GALNT13: variants seen among roughly 807,000 people sequenced by gnomAD.
The protein encoded by GALNT13 is UDP-GalNAc:polypeptide N-acetylgalactosaminyltransferase 13.
A neutral mutation model predicts 64.2 loss-of-function variants in GALNT13; 28 were observed. That is an observed-to-expected ratio of 0.44 (90% CI 0.32 to 0.60). GALNT13 has a LOEUF of 0.60. GALNT13 is among the 20% of genes least tolerant of loss of function. The probability of loss-of-function intolerance (pLI) is 0.05; values close to 1 mark genes in which losing one functional copy is unlikely to be tolerated. For synonymous variants in GALNT13, 214 were observed against 224.6 expected (o/e 0.95, Z 0.42); for missense variants, 577 against 669.8 (o/e 0.86, Z 1.53).
chr2:153,565,143 T>C, the GALNT13 span, among the ~76,000 whole-genome samples: 1 of 152,160 alleles, frequency 6.6e-6, no homozygotes, highest in Non-Finnish European at 1.5e-5. Flanking sequence ...AAGCTTGACA[T>C]TGTAGGTGTG....
chr2:153,671,631 A>C, the GALNT13 span, among the ~76,000 whole-genome samples: 1 of 152,230 alleles, frequency 6.6e-6, no homozygotes, highest in African/African-American at 2.4e-5. Context: ...CACTATGAAG[A>C]AACTGCATCA....
chr2:153,524,168 T>G, the GALNT13 span, among the ~76,000 whole-genome samples: 1 of 152,214 alleles, frequency 6.6e-6, no homozygotes, highest in Non-Finnish European at 1.5e-5. Flanking sequence ...CACTTGATTG[T>G]GGTATATAAT....
chr2:153,150,412 A>G, the GALNT13 span, among the ~76,000 whole-genome samples: 1 of 151,984 alleles, frequency 6.6e-6, no homozygotes, highest in Admixed American at 6.6e-5. Flanking sequence ...ATTTTCTCCC[A>G]TTCTGTAGGT....
chr2:153,722,124 A>G, the GALNT13 span, among the ~76,000 whole-genome samples: 3 of 147,998 alleles, frequency 2.0e-5, no homozygotes, highest in Non-Finnish European at 4.5e-5. Flanking sequence ...ACCACAGTGC[A>G]ATCAAACTAG....
At chr2:154,310,805 T>A (rs1693990619) in intron 9 of GALNT13, among the ~76,000 whole-genome samples, 1 of 152,090 alleles carries the variant, frequency 6.6e-6, no homozygotes, top group Non-Finnish European at 1.5e-5. Flanking sequence ...CTGCACTTAG[T>A]TTGTTTGCTA....
the GALNT13 span, among the ~76,000 whole-genome samples, chr2:153,472,024 G>T: frequency 6.6e-6 from 1 of 152,164 alleles, no homozygotes; most frequent in South Asian, 2.1e-4. Flanking sequence ...GCATGCATCT[G>T]CCTTAATCAA....
At chr2:154,052,838 G>A (rs1042461190) in intron 3 of GALNT13, among the ~76,000 whole-genome samples, 2 of 149,922 alleles carry the variant, frequency 1.3e-5, no homozygotes, top group East Asian at 2.0e-4. Context: ...CCGGGTTCTC[G>A]CCATTCTTCT....
intron 3 of GALNT13, among the ~76,000 whole-genome samples, chr2:153,998,570 A>G (rs1252782689): frequency 6.6e-6 from 1 of 152,178 alleles, no homozygotes; most frequent in Admixed American, 6.5e-5. Flanking sequence ...ATAGATTGCA[A>G]AAATGTTTAC....
At chr2:153,439,302 G>C in the GALNT13 span, among the ~76,000 whole-genome samples, 3 of 152,276 alleles carry the variant, frequency 2.0e-5, no homozygotes, top group South Asian at 6.2e-4. Context: ...CCTGTTCTCA[G>C]ATCTCCAGCT....
intron 2 of GALNT13, among the ~76,000 whole-genome samples, chr2:153,913,137 G>T (rs1689074234): frequency 6.6e-6 from 1 of 152,180 alleles, no homozygotes; most frequent in African/African-American, 2.4e-5. Context: ...ACTGGTGGTG[G>T]TGGCTGCCTA....
the GALNT13 span, among the ~76,000 whole-genome samples, chr2:153,462,548 C>G: frequency 6.6e-6 from 1 of 152,064 alleles, no homozygotes; most frequent in South Asian, 2.1e-4. Context: ...ATTGATGCAG[C>G]CTTGCAATGC....
chr2:153,355,486 G>GT, the GALNT13 span, among the ~76,000 whole-genome samples: 1 of 152,030 alleles, frequency 6.6e-6, no homozygotes, highest in Non-Finnish European at 1.5e-5. Context: ...TATTTCAGTT[G>GT]TTTCTGTTTG....
intron 3 of GALNT13, among the ~76,000 whole-genome samples, chr2:153,994,161 C>G (rs1245331138): frequency 6.6e-6 from 1 of 152,044 alleles, no homozygotes; most frequent in Non-Finnish European, 1.5e-5. Context: ...TGAGAACATG[C>G]AGTGTTTGGT....
the GALNT13 span, among the ~76,000 whole-genome samples, chr2:153,611,034 T>A: frequency 6.6e-6 from 1 of 152,120 alleles, no homozygotes; most frequent in Non-Finnish European, 1.5e-5. Flanking sequence ...GTAAGAAATA[T>A]AGTCATGATA....
intron 10 of GALNT13, among the ~76,000 whole-genome samples, chr2:154,408,767 C>T (rs552015486): frequency 6.6e-6 from 1 of 152,106 alleles, no homozygotes; most frequent in Admixed American, 6.6e-5. Flanking sequence ...AATGCCAATT[C>T]TGTTCAAAAA....
the GALNT13 span, among the ~76,000 whole-genome samples, chr2:153,775,980 A>G: frequency 2.0e-5 from 3 of 152,162 alleles, no homozygotes; most frequent in African/African-American, 7.2e-5. Flanking sequence ...TAAATTATAA[A>G]ATCACCTTTG....
chr2:153,084,341 T>A, the GALNT13 span, among the ~76,000 whole-genome samples: 1 of 152,232 alleles, frequency 6.6e-6, no homozygotes, highest in Non-Finnish European at 1.5e-5. Flanking sequence ...TTGGTCATTT[T>A]CACAATATTG....
intron 8 of GALNT13, among the ~76,000 whole-genome samples, chr2:154,292,626 A>G (rs1212128722): frequency 6.6e-6 from 1 of 152,228 alleles, no homozygotes; most frequent in East Asian, 1.9e-4. Flanking sequence ...CTAGGATATA[A>G]TATCAGGAGC....
intron 9 of GALNT13, among the ~76,000 whole-genome samples, chr2:154,343,983 C>T (rs779534091): frequency 1.3e-5 from 2 of 151,858 alleles, no homozygotes; most frequent in Non-Finnish European, 2.9e-5. Context: ...CAAGTGGCAC[C>T]TTAGTGGCTT....
Sources: gnomAD v4.1 joint callset for allele counts (sites outside exome capture counted in the v4.1 genomes callset) on GRCh38, gnomAD v4.1.1 for gene constraint, MANE v1.5 for transcripts, NCBI Gene and HGNC (gene_info 2026-07-23, HGNC 2026-07-21) for gene names.